DIAPH2: variants seen among roughly 807,000 people sequenced by gnomAD.
DIAPH2 encodes the protein diaphanous related formin 2, also known as protein diaphanous homolog 2.
A neutral mutation model predicts 92.7 loss-of-function variants in DIAPH2; 35 were observed. That is an observed-to-expected ratio of 0.38 (90% CI 0.29 to 0.50). DIAPH2 has a LOEUF of 0.50. Ranked by LOEUF, DIAPH2 falls within the 20% of genes least tolerant of loss-of-function variation. The pLI, the probability that DIAPH2 is intolerant of heterozygous loss-of-function variation, is 0.94. For synonymous variants in DIAPH2, 301 were observed against 280.4 expected, an observed-to-expected ratio of 1.07 and a Z score of -0.73; for missense variants, 701 against 819.5, an observed-to-expected ratio of 0.86 and a Z score of 1.77.
At chrX:96,873,655 C>T (rs997431142) in intron 4 of DIAPH2, among the ~76,000 whole-genome samples, 20 of 88,181 alleles carry the variant, frequency 2.3e-4, no homozygotes, top group Admixed American at 1.0e-3. Flanking sequence ...TATACACACA[C>T]ACACACACAC....
intron 4 of DIAPH2, among the ~76,000 whole-genome samples, chrX:96,788,970 G>A (rs774956950): frequency 8.9e-6 from 1 of 112,507 alleles, no homozygotes; most frequent in Non-Finnish European, 1.9e-5. Context: ...GTAGGCGTGT[G>A]TGTTGAAGGT....
At chrX:96,704,742 G>T (rs2063874102) in intron 1 of DIAPH2, among the ~76,000 whole-genome samples, 1 of 111,288 alleles carries the variant, frequency 9.0e-6, no homozygotes, top group African/African-American at 3.3e-5. Context: ...AAAGATATAG[G>T]TCATGAGATA....
rs1198901838 is a variant in DIAPH2, at chrX:96,758,209, C to T, written c.398C>T (p.Thr133Ile). ...KKAPLRNKDF[T>I]TKREMVVQYI... ...GCTCCTTTACGAAACAAAGACTTTACCACCAAACGTGAGATGGTTGTCCAG... is the reference window on the plus strand; with the variant it reads ...GCTCCTTTACGAAACAAAGACTTTATCACCAAACGTGAGATGGTTGTCCAG... The change falls in exon 4 of 27, where the codon ACC (threonine) becomes ATC (isoleucine). Residue 133 changes from threonine to isoleucine, a missense_variant. Physicochemically the swap from Thr to Ile is moderately conservative, Grantham distance 89. Coordinates refer to ENST00000324765, the MANE Select transcript of DIAPH2 (RefSeq NM_006729.5). 2 of 1,205,895 alleles carry T rather than the reference C, an allele frequency of 1.7e-6. No homozygotes were observed. Among genetic ancestry groups the T allele is most frequent in the Admixed American group, 4.4e-5 (2 of 44,981 alleles).
intron 26 of DIAPH2, among the ~76,000 whole-genome samples, chrX:97,523,229 A>C: frequency 9.0e-6 from 1 of 110,856 alleles, no homozygotes; most frequent in East Asian, 2.8e-4. Flanking sequence ...GCATCTCCAT[A>C]CCTCCCTCCC....
chrX:96,878,812 C>G (rs995654331), intron 4 of DIAPH2, among the ~76,000 whole-genome samples: 4 of 112,125 alleles, frequency 3.6e-5, no homozygotes, highest in African/African-American at 1.3e-4. Context: ...TAAAATACCT[C>G]TGAGCTGTCC....
At chrX:97,170,091 A>T (rs1263844631) in intron 22 of DIAPH2, among the ~76,000 whole-genome samples, 1 of 111,797 alleles carries the variant, frequency 8.9e-6, no homozygotes, top group Admixed American at 9.5e-5. Flanking sequence ...GTTATTTTTG[A>T]ACATGGTAAT....
At chrX:97,342,745 A>C (rs2069123072) in intron 23 of DIAPH2, among the ~76,000 whole-genome samples, 1 of 112,330 alleles carries the variant, frequency 8.9e-6, no homozygotes, top group Admixed American at 9.5e-5. Context: ...AATAGACAAA[A>C]GAGATAATGT....
At chrX:97,537,249 A>G (rs912187445) in intron 26 of DIAPH2, among the ~76,000 whole-genome samples, 4 of 111,886 alleles carry the variant, frequency 3.6e-5, no homozygotes, top group Admixed American at 9.5e-5. Flanking sequence ...CAGTGCAACT[A>G]GAGTGAGAAG....
chrX:97,550,053 A>T (rs1184549453), intron 26 of DIAPH2, among the ~76,000 whole-genome samples: 1 of 112,767 alleles, frequency 8.9e-6, no homozygotes, highest in East Asian at 2.8e-4. Context: ...GGCTATTTCA[A>T]AAAACAGTAT....
intron 17 of DIAPH2, among the ~76,000 whole-genome samples, chrX:97,040,617 A>C (rs2066442260): frequency 9.0e-6 from 1 of 111,115 alleles, no homozygotes; most frequent in Admixed American, 9.6e-5. Flanking sequence ...AATAATAAAT[A>C]ATGCATATGG....
At chrX:97,454,747 C>T (rs1401296926) in intron 26 of DIAPH2, among the ~76,000 whole-genome samples, 3 of 109,259 alleles carry the variant, frequency 2.7e-5, no homozygotes, top group African/African-American at 1.0e-4. Flanking sequence ...CCCAGGTACT[C>T]GGGAGGCTGA....
intron 23 of DIAPH2, among the ~76,000 whole-genome samples, chrX:97,284,610 C>CA (rs756436081): frequency 0.015 from 634 of 43,078 alleles, 3 homozygotes; most frequent in African/African-American, 0.034. Flanking sequence ...AGCTCCGTCT[C>CA]AAAAAAAAAA....
rs2063764584 is a variant in DIAPH2, at chrX:96,685,263, G to A, written c.132+73G>A. On this transcript the variant is annotated intron_variant, in intron 1 of 26. Transcript: ENST00000324765. ...CGGGATCCTCCTGCCATTGAACACGGGGGCACCCGGGGCCCCCTCCCAAGG... is the reference window on the plus strand; with the variant it reads ...CGGGATCCTCCTGCCATTGAACACGAGGGCACCCGGGGCCCCCTCCCAAGG... 5 of 944,480 alleles carry A rather than the reference G, an allele frequency of 5.3e-6. No homozygotes were observed. The African/African-American group carries it at 8.1e-5, about 15-fold the overall frequency. 77.8% of individuals were successfully genotyped at this position (944,480 alleles called of 1,213,427 possible).
intron 26 of DIAPH2, among the ~76,000 whole-genome samples, chrX:97,498,164 A>T (rs770652908): frequency 4.5e-5 from 5 of 111,403 alleles, no homozygotes; most frequent in Non-Finnish European, 9.4e-5. Flanking sequence ...ATTTGCCATT[A>T]TGGTGTCTCA....
intron 26 of DIAPH2, among the ~76,000 whole-genome samples, chrX:97,535,435 A>G (rs2071088450): frequency 1.8e-5 from 2 of 111,921 alleles, no homozygotes; most frequent in South Asian, 3.7e-4. Context: ...ATACCATAAA[A>G]TGTTTTTTTT....
At chrX:97,034,861 C>T (rs769327274) in intron 17 of DIAPH2, among the ~76,000 whole-genome samples, 1 of 110,735 alleles carries the variant, frequency 9.0e-6, no homozygotes, top group African/African-American at 3.3e-5. Context: ...TCAGAGGTCC[C>T]CATTAAAAAG....
At chrX:97,336,407 G>A (rs1230881702) in intron 23 of DIAPH2, among the ~76,000 whole-genome samples, 4 of 107,426 alleles carry the variant, frequency 3.7e-5, no homozygotes, top group African/African-American at 1.4e-4. Flanking sequence ...CACCACGCCC[G>A]GCTAATTTTT....
At chrX:97,396,120 T>C (rs1280818066) in intron 25 of DIAPH2, among the ~76,000 whole-genome samples, 1 of 112,207 alleles carries the variant, frequency 8.9e-6, no homozygotes, top group Non-Finnish European at 1.9e-5. Flanking sequence ...TTGTTCCATA[T>C]TTTAATATTC....
chrX:97,192,915 C>T (rs926380220), intron 22 of DIAPH2, among the ~76,000 whole-genome samples: 20 of 110,796 alleles, frequency 1.8e-4, no homozygotes, highest in Non-Finnish European at 1.9e-5. Flanking sequence ...CTAGAACCTA[C>T]ACATTCATAT....
Sources: allele counts gnomAD v4.1 joint callset (sites outside exome capture counted in the v4.1 genomes callset), GRCh38; gene constraint gnomAD v4.1.1; transcripts MANE v1.5; gene names NCBI Gene and HGNC (gene_info 2026-07-23, HGNC 2026-07-21).